The following TSHZ2 variants were observed in gnomAD, a reference collection of about 807,000 sequenced individuals.
The protein encoded by TSHZ2 is teashirt zinc finger homeobox 2.
TSHZ2 carries 21 observed loss-of-function variants against 74.4 expected under a neutral mutation model. The observed-to-expected ratio is 0.28, with a 90% CI of 0.20 to 0.41. The LOEUF is 0.41. Among genes scored for constraint, TSHZ2 ranks in the 10% least tolerant of loss-of-function variants. The pLI, the probability that TSHZ2 is intolerant of heterozygous loss-of-function variation, is 1.00. For missense variants in TSHZ2, 1,244 were observed against 1,293.5 expected (o/e 0.96, Z 0.59); for synonymous variants, 540 against 515.3 (o/e 1.05, Z -0.65).
intron 1 of TSHZ2, among the ~76,000 whole-genome samples, chr20:53,084,174 G>T (rs1985621411): frequency 1.3e-5 from 2 of 152,208 alleles, no homozygotes; most frequent in Middle Eastern, 6.8e-3. Context: ...TTACTCAAAA[G>T]ATTTTTCATT....
intron 1 of TSHZ2, among the ~76,000 whole-genome samples, chr20:53,126,609 G>A (rs2904296): frequency 0.1 from 15,245 of 152,190 alleles, 2,233 homozygotes; most frequent in African/African-American, 0.32. Flanking sequence ...ATTGTGACAT[G>A]CCATTAAATT....
At chr20:53,185,425 A>G (rs1988576682) in intron 1 of TSHZ2, 2 of 1,308,776 alleles carry the variant, frequency 1.5e-6, no homozygotes, top group African/African-American at 3.0e-5. Context: ...CTGTGATTCC[A>G]GCACTTTGGG....
chr20:53,336,843 T>C (rs1979969062), intron 2 of TSHZ2, among the ~76,000 whole-genome samples: 2 of 152,170 alleles, frequency 1.3e-5, no homozygotes, highest in Admixed American at 1.3e-4. Context: ...CATATACGTA[T>C]ATGTGTGTAT....
chr20:53,255,621 A>T lies in TSHZ2; in HGVS notation c.2163A>T (p.Pro721=). Residue 721 remains proline, a synonymous_variant, in exon 2 of 3, where the codon CCA becomes CCT. Coordinates refer to ENST00000371497, the MANE Select transcript of TSHZ2 (RefSeq NM_173485.6). The surrounding 1 kb of genome is among the most constrained non-coding windows in gnomAD (Gnocchi z 4.1). Reference sequence around the variant, plus strand: ...TGCGCTCACCTTCCTGCTCCAGCCCAAGTTCAAGCACAATTTCCATGTTCC... The same window carrying T: ...TGCGCTCACCTTCCTGCTCCAGCCCTAGTTCAAGCACAATTTCCATGTTCC... ...EPLRSPSCSS[P]SSSTISMFHK... 6.3e-7 allele frequency: 1 copy of T among 1,581,132 alleles called. No homozygotes were observed. The highest frequency in any genetic ancestry group is 8.6e-7 in the Non-Finnish European group (1 of 1,164,012).
rs1452525186 is a variant in TSHZ2 at position 53,429,362 on chromosome 20, A to C, written c.*9-57782A>C. ...ATGGTTTGGCTGTGTCCCCACCCACATCTCACCCTGAATTCCCACGTGTTG... is the reference window on the plus strand; with the variant it reads ...ATGGTTTGGCTGTGTCCCCACCCACCTCTCACCCTGAATTCCCACGTGTTG... On this transcript the variant is annotated intron_variant, in intron 2 of 2. Coordinates refer to ENST00000371497, the MANE Select transcript of TSHZ2 (RefSeq NM_173485.6). Among the ~76,000 whole-genome samples the C allele has an allele frequency of 2.6e-5, 4 of 152,300 alleles. No homozygotes were observed. The East Asian group carries it at 7.7e-4, about 29-fold the overall frequency.
intron 1 of TSHZ2, among the ~76,000 whole-genome samples, chr20:53,176,718 C>T (rs552376182): frequency 1.7e-3 from 244 of 147,546 alleles, no homozygotes; most frequent in African/African-American, 6.0e-3. Flanking sequence ...GACGAAGTCT[C>T]GCTCTGTCAC....
rs559536612 is a variant in TSHZ2, at chr20:53,048,981, A to G, written c.40+75648A>G. 5.9e-5 allele frequency among the ~76,000 whole-genome samples: 9 copies of G among 152,310 alleles called. No homozygotes were observed. The East Asian group carries it at 1.7e-3, about 29-fold the overall frequency. Reference sequence around the variant, plus strand: ...GCAGGATTTCTCTCATTCATTCTTTATTCTACCGAAACTGTCTGAAACTCA... The same window carrying G: ...GCAGGATTTCTCTCATTCATTCTTTGTTCTACCGAAACTGTCTGAAACTCA... On this transcript the variant is annotated intron_variant, in intron 1 of 2. Coordinates refer to ENST00000371497, the MANE Select transcript of TSHZ2 (RefSeq NM_173485.6).
chr20:53,223,007 T>G (rs181102999), intron 1 of TSHZ2, among the ~76,000 whole-genome samples: 1 of 152,200 alleles, frequency 6.6e-6, no homozygotes, highest in Admixed American at 6.5e-5. Flanking sequence ...AAATGAAAAA[T>G]TCCTTTCTTC....
At chr20:53,467,650 AG>A (rs1985601835) in intron 2 of TSHZ2, among the ~76,000 whole-genome samples, 1 of 152,242 alleles carries the variant, frequency 6.6e-6, no homozygotes, top group Non-Finnish European at 1.5e-5. Context: ...AGTAAATGGC[AG>A]AGCCAAACTA....
chr20:53,369,867 T>C (rs1361713733), intron 2 of TSHZ2, among the ~76,000 whole-genome samples: 1 of 152,246 alleles, frequency 6.6e-6, no homozygotes, highest in Non-Finnish European at 1.5e-5. Flanking sequence ...TTTTTATTTG[T>C]ACTCTGAGCT....
chr20:53,230,039 AGAAG>A (rs749195629), intron 1 of TSHZ2, among the ~76,000 whole-genome samples: 4 of 120,474 alleles, frequency 3.3e-5, no homozygotes, highest in Non-Finnish European at 5.0e-5. Context: ...AAGGAAGGAA[AGAAG>A]GAAGGGAGGG....
chr20:53,080,041 T>C (rs554613012), intron 1 of TSHZ2, among the ~76,000 whole-genome samples: 1 of 152,282 alleles, frequency 6.6e-6, no homozygotes, highest in Admixed American at 6.5e-5. Context: ...CTAGCTCAGC[T>C]TACCTAATTT....
At chr20:53,015,746 A>G (rs1983014611) in intron 1 of TSHZ2, among the ~76,000 whole-genome samples, 1 of 152,188 alleles carries the variant, frequency 6.6e-6, no homozygotes, top group African/African-American at 2.4e-5. Flanking sequence ...GACATTCTCT[A>G]GTGAAATGAT....
Position 53,255,160 on chromosome 20 carries a change from C to G in TSHZ2, c.1702C>G (p.Arg568Gly), listed in dbSNP as rs145683350. The change falls in exon 2 of 3, where the codon CGG (arginine) becomes GGG (glycine). Residue 568 changes from arginine (R) to glycine (G), a missense_variant. Transcript: ENST00000371497. This position sits in a 1 kb window ranked among gnomAD's most constrained non-coding sequence, Gnocchi z 4.1. ...TATGGGATCCCAGGTACTGCAGATCCGGCCTAATCTCACCAACAAGCTGAG... is the reference window on the plus strand; with the variant it reads ...TATGGGATCCCAGGTACTGCAGATCGGGCCTAATCTCACCAACAAGCTGAG... ...LPMGSQVLQI[R>G]PNLTNKLRPI... The G allele has an allele frequency of 6.2e-7, 1 of 1,614,146 alleles. No individual in the cohort carries two copies. Among genetic ancestry groups the G allele is most frequent in the Admixed American group, 1.7e-5 (1 of 60,028 alleles).
chr20:53,073,938 G>A (rs965703203), intron 1 of TSHZ2, among the ~76,000 whole-genome samples: 3 of 152,094 alleles, frequency 2.0e-5, no homozygotes. Flanking sequence ...GATTTCTTGG[G>A]GGCAGGATTT....
chr20:53,144,182 T>C (rs1157376586), intron 1 of TSHZ2, among the ~76,000 whole-genome samples: 1 of 152,128 alleles, frequency 6.6e-6, no homozygotes, highest in East Asian at 1.9e-4. Context: ...GAGGAGCAAA[T>C]TGGGAAGTTT....
intron 1 of TSHZ2, among the ~76,000 whole-genome samples, chr20:53,066,909 G>A (rs1279623015): frequency 6.6e-6 from 1 of 152,186 alleles, no homozygotes; most frequent in Non-Finnish European, 1.5e-5. Flanking sequence ...CAAGGGCTGC[G>A]TCTTTTACAG....
At chr20:53,029,640 C>T (rs1983565583) in intron 1 of TSHZ2, among the ~76,000 whole-genome samples, 1 of 152,220 alleles carries the variant, frequency 6.6e-6, no homozygotes, top group South Asian at 2.1e-4. Flanking sequence ...TGCACCACTG[C>T]ACTCCAGCCT....
intron 2 of TSHZ2, among the ~76,000 whole-genome samples, chr20:53,394,971 G>A (rs1982396880): frequency 6.7e-6 from 1 of 149,828 alleles, no homozygotes; most frequent in Non-Finnish European, 1.5e-5. Flanking sequence ...GCCTTCCCAT[G>A]TCTCTGCTCT....
Sources: allele counts gnomAD v4.1 joint callset (sites outside exome capture counted in the v4.1 genomes callset), GRCh38; gene constraint gnomAD v4.1.1; non-coding constraint Gnocchi (gnomAD v3.1); transcripts MANE v1.5; gene names NCBI Gene and HGNC (gene_info 2026-07-23, HGNC 2026-07-21).